SMIM10L3: variants seen among roughly 807,000 people sequenced by gnomAD.
SMIM10L3 encodes the protein salivary gland specific protein SAGSIN1.
At chr7:6,336,939 C>T in the SMIM10L3 span, among the ~76,000 whole-genome samples, 1 of 152,150 alleles carries the variant, frequency 6.6e-6, no homozygotes, top group African/African-American at 2.4e-5. Context: ...CAGGCGTGAG[C>T]CACCATGGCT....
chr7:6,347,926 T>TTATTATTATTAC, the SMIM10L3 span, among the ~76,000 whole-genome samples: 1 of 146,444 alleles, frequency 6.8e-6, no homozygotes, highest in Non-Finnish European at 1.5e-5. Context: ...ATTATTATTA[T>TTATTATTATTAC]TGAGATGGAG....
chr7:6,336,136 G>C, the SMIM10L3 span, among the ~76,000 whole-genome samples: 3 of 147,786 alleles, frequency 2.0e-5, no homozygotes, highest in East Asian at 4.0e-4. Context: ...TAGCACCACT[G>C]CACTCCAGCC....
At chr7:6,343,426 ATATATATATATATATATATG>A in the SMIM10L3 span, among the ~76,000 whole-genome samples, 1 of 96,886 alleles carries the variant, frequency 1.0e-5, no homozygotes, top group East Asian at 5.7e-4. Context: ...ATATATATAT[ATATATATATATATATATATG>A]ATCTAGGACT....
the SMIM10L3 span, chr7:6,331,271 A>C: frequency 1.9e-6 from 2 of 1,038,646 alleles, no homozygotes; most frequent in Non-Finnish European, 2.8e-6. Context: ...TCTAAAATGA[A>C]GACACATGGG....
chr7:6,344,763 C>T, the SMIM10L3 span, among the ~76,000 whole-genome samples: 3 of 151,876 alleles, frequency 2.0e-5, no homozygotes, highest in South Asian at 2.1e-4. Context: ...TTTTTGGAGA[C>T]GGAGTCTCAC....
At chr7:6,342,185 TTC>T in the SMIM10L3 span, among the ~76,000 whole-genome samples, 14 of 152,202 alleles carry the variant, frequency 9.2e-5, no homozygotes, top group East Asian at 2.7e-3. Context: ...TTTCTTTCCT[TTC>T]TTTTTTCTTT....
At chr7:6,348,429 C>T in the SMIM10L3 span, 2 of 396,688 alleles carry the variant, frequency 5.0e-6, no homozygotes, top group African/African-American at 2.1e-5. Flanking sequence ...GTGGATCTCC[C>T]CAAAGTAGGG....
chr7:6,348,932 C>G, the SMIM10L3 span: 1 of 382,842 alleles, frequency 2.6e-6, no homozygotes, highest in Non-Finnish European at 4.6e-6. Context: ...AGTGCCTCCG[C>G]GAGCAGCCGC....
chr7:6,333,081 C>T, the SMIM10L3 span, among the ~76,000 whole-genome samples: 54 of 150,220 alleles, frequency 3.6e-4, no homozygotes, highest in East Asian at 6.8e-3. Context: ...TGCGTGAACC[C>T]GGGAGGCAGA....
chr7:6,331,378 GT>G, the SMIM10L3 span: 1 of 601,026 alleles, frequency 1.7e-6, no homozygotes, highest in South Asian at 2.2e-5. Context: ...GGTAAGGCTG[GT>G]TTTGAACTCC....
the SMIM10L3 span, among the ~76,000 whole-genome samples, chr7:6,343,234 G>T: frequency 1.3e-5 from 2 of 150,158 alleles, no homozygotes; most frequent in African/African-American, 4.9e-5. Context: ...ATAATTAGCT[G>T]GGCGTGGTAC....
the SMIM10L3 span, among the ~76,000 whole-genome samples, chr7:6,339,702 A>T: frequency 1.3e-4 from 19 of 151,880 alleles, no homozygotes; most frequent in South Asian, 1.0e-3. Flanking sequence ...CGATCTCCTG[A>T]CCTCATGATC....
the SMIM10L3 span, among the ~76,000 whole-genome samples, chr7:6,347,314 A>C: frequency 1.9e-4 from 29 of 152,190 alleles, no homozygotes; most frequent in African/African-American, 6.3e-4. Flanking sequence ...CAGGATTTTG[A>C]GACCAGCCTG....
At chr7:6,343,874 C>T in the SMIM10L3 span, among the ~76,000 whole-genome samples, 3 of 151,996 alleles carry the variant, frequency 2.0e-5, no homozygotes, top group African/African-American at 7.3e-5. Flanking sequence ...TTCTAACATT[C>T]CTGCAATGAA....
the SMIM10L3 span, among the ~76,000 whole-genome samples, chr7:6,333,276 G>A: frequency 2.9e-4 from 44 of 152,188 alleles, no homozygotes; most frequent in African/African-American, 1.0e-3. Context: ...AAGAGACCTC[G>A]GGCCATGTCA....
the SMIM10L3 span, among the ~76,000 whole-genome samples, chr7:6,332,135 G>A: frequency 5.3e-5 from 8 of 149,704 alleles, no homozygotes; most frequent in Admixed American, 6.7e-5. Flanking sequence ...AAAAAATTGC[G>A]AAAAGGCTTT....
At chr7:6,336,245 C>T in the SMIM10L3 span, among the ~76,000 whole-genome samples, 22,229 of 151,332 alleles carry the variant, frequency 0.15, 2,823 homozygotes, top group East Asian at 0.5. Flanking sequence ...ACTTGAGAGG[C>T]TGAGGTAGGA....
the SMIM10L3 span, among the ~76,000 whole-genome samples, chr7:6,339,683 C>A: frequency 1.3e-5 from 2 of 151,874 alleles, no homozygotes; most frequent in Admixed American, 6.6e-5. Flanking sequence ...CAGGGTTTCA[C>A]CATGGTCTCG....
At chr7:6,348,857 GCGGCGGCTAGAC>G in the SMIM10L3 span, 1 of 390,350 alleles carries the variant, frequency 2.6e-6, no homozygotes, top group Non-Finnish European at 4.5e-6. Flanking sequence ...AGCGAAGGAG[GCGGCGGCTAGAC>G]CGGCGGGCGG....
Sources: gnomAD v4.1 joint callset for allele counts (sites outside exome capture counted in the v4.1 genomes callset) on GRCh38, gnomAD v4.1.1 for gene constraint, MANE v1.5 for transcripts, NCBI Gene and HGNC (gene_info 2026-07-23, HGNC 2026-07-21) for gene names.